ARPP19: variants seen among roughly 807,000 people sequenced by gnomAD.
ARPP19 encodes cAMP-regulated phosphoprotein 19.
ARPP19 carries 8 observed loss-of-function variants against 12.0 expected under a neutral mutation model. The observed-to-expected ratio is 0.67, with a 90% CI of 0.39 to 1.21. The LOEUF (loss-of-function observed/expected upper bound fraction) is 1.21. Ranked by LOEUF, ARPP19 falls within the 50% of genes most tolerant of loss-of-function variation. ARPP19 has a pLI of 0.01. For missense variants in ARPP19, 102 were observed against 136.3 expected (o/e 0.75, Z 1.25); for synonymous variants, 47 against 50.4 (o/e 0.93, Z 0.29).
intron 2 of ARPP19, among the ~76,000 whole-genome samples, chr15:52,554,137 T>G (rs2077960380): frequency 6.6e-6 from 1 of 152,186 alleles, no homozygotes; most frequent in Admixed American, 6.5e-5. Context: ...AAGCACATAC[T>G]GAGAAATTTA....
rs111387062 is a variant in ARPP19 at position 52,558,835 on chromosome 15, C to CGG, written c.46-1615_46-1614dup. The stretch of plus-strand genomic sequence containing the variant: ...CCTGTTTCCCTTCCCTTTGTACCCA[C>CGG]GGGGGGGAAAAAATTACAGGTCAGG... On this transcript the variant is annotated intron_variant, in intron 1 of 2. Transcript: ENST00000249822. Among the ~76,000 whole-genome samples the CGG allele has an allele frequency of 3.6e-3, 543 of 150,496 alleles. 2 individuals carry two copies. Among genetic ancestry groups the CGG allele is most frequent in the African/African-American group, 0.012 (509 of 40,790 alleles).
At chr15:52,555,631 C>G (rs1406926591) in intron 2 of ARPP19, among the ~76,000 whole-genome samples, 2 of 151,912 alleles carry the variant, frequency 1.3e-5, no homozygotes, top group African/African-American at 4.8e-5. Flanking sequence ...GAATTATACT[C>G]TTAGATTAAT....
In ARPP19 at chr15:52,549,729, A is replaced by G. The variant is rs554063688; in HGVS notation, c.*2205T>C. On this transcript the variant is annotated 3_prime_UTR_variant, in exon 3 of 3. Transcript: ENST00000249822. Reference sequence around the variant, plus strand: ...CTCTGATCTTTCAGATTAATCTTTCATGTGTGAATTTAATGGTAATTACTT... The same window carrying G: ...CTCTGATCTTTCAGATTAATCTTTCGTGTGTGAATTTAATGGTAATTACTT... 3.3e-5 allele frequency: 5 copies of G among 152,606 alleles called. No individual in the cohort carries two copies. Among genetic ancestry groups the G allele is most frequent in the Admixed American group, 6.5e-5 (1 of 15,270 alleles). 9.5% of individuals were successfully genotyped at this position (152,606 alleles called of 1,614,324 possible).
chr15:52,561,697 G>T (rs376948282), intron 1 of ARPP19, among the ~76,000 whole-genome samples: 1 of 150,060 alleles, frequency 6.7e-6, no homozygotes, highest in African/African-American at 2.4e-5. Context: ...AACATAAGGA[G>T]AAACAAATCC....
intron 1 of ARPP19, among the ~76,000 whole-genome samples, chr15:52,560,769 T>G (rs902835805): frequency 5.3e-5 from 8 of 152,242 alleles, no homozygotes; most frequent in African/African-American, 1.7e-4. Flanking sequence ...TTAAAAGGCA[T>G]GAGAGAAAGA....
At position 52,568,881 on chromosome 15, in the gene ARPP19, T is replaced by C. The variant is rs774444622; in HGVS notation, c.12A>G (p.Glu4=). The change falls in exon 1 of 3, where the codon GAA becomes GAG. Residue 4 remains glutamate, a synonymous_variant. Coordinates refer to ENST00000249822, the MANE Select transcript of ARPP19 (RefSeq NM_006628.6). ...CCTCCGCGGAGGCTGCCTCGGGGAC[T>C]TCCGCAGACATAGTGCTCCCTCTGC... The part of the protein sequence containing the change: MSA[E]VPEAASAEEQ... 1.5e-5 allele frequency: 24 copies of C among 1,573,308 alleles called. No individual in the cohort carries two copies. Among genetic ancestry groups the C allele is most frequent in the Non-Finnish European group, 1.8e-5 (21 of 1,163,474 alleles).
chr15:52,568,783 G>A, intron 1 of ARPP19, 65 bp downstream of exon 1: 3 of 1,257,344 alleles, frequency 2.4e-6, no homozygotes, highest in African/African-American at 3.2e-5. Context: ...TCCGCCTGGC[G>A]GGAGCAGGCC....
chr15:52,560,380 C>T (rs1026519206), intron 1 of ARPP19, among the ~76,000 whole-genome samples: 27 of 152,164 alleles, frequency 1.8e-4, no homozygotes, highest in Non-Finnish European at 3.4e-4. Flanking sequence ...TTGGGTAAAA[C>T]AGCATCTATG....
Position 52,568,861 on chromosome 15 carries a change from G to C in ARPP19, c.32C>G (p.Ala11Gly), listed in dbSNP as rs755346523. Residue 11 changes from alanine (A) to glycine (G), a missense_variant, in exon 1 of 3, where the codon GCG (alanine) becomes GGG (glycine). Physicochemically the swap from Ala to Gly is moderately conservative, Grantham distance 60. Coordinates refer to ENST00000249822, the MANE Select transcript of ARPP19 (RefSeq NM_006628.6). ...CCGCGCGCTCACCTTCTGCTCCTCCGCGGAGGCTGCCTCGGGGACTTCCGC... is the reference window on the plus strand; with the variant it reads ...CCGCGCGCTCACCTTCTGCTCCTCCCCGGAGGCTGCCTCGGGGACTTCCGC... Reference protein sequence around the residue: MSAEVPEAASAEEQKEMEDKV... With the variant: MSAEVPEAASGEEQKEMEDKV... The C allele has an allele frequency of 2.5e-6, 4 of 1,574,058 alleles. No individual in the cohort carries two copies. The highest frequency in any genetic ancestry group is 3.4e-6 in the Non-Finnish European group (4 of 1,164,174).
rs1436010921 is a variant in ARPP19 at position 52,568,849 on chromosome 15, T to G, written c.44A>C (p.Lys15Thr). The stretch of plus-strand genomic sequence containing the variant: ...AGGGCTCACGCCCCGCGCGCTCACC[T>G]TCTGCTCCTCCGCGGAGGCTGCCTC... ...VPEAASAEEQKEMEDKVTSPE... is the reference protein window; with the variant it reads ...VPEAASAEEQTEMEDKVTSPE... Residue 15 changes from lysine (K) to threonine (T), a missense_variant and splice_region_variant, in exon 1 of 3, where the codon AAG (lysine) becomes ACG (threonine). Lys to Thr is a moderately conservative substitution (Grantham distance 78). Coordinates refer to ENST00000249822, the MANE Select transcript of ARPP19 (RefSeq NM_006628.6). 1.3e-6 allele frequency: 2 copies of G among 1,573,358 alleles called. No homozygotes were observed. Among genetic ancestry groups the G allele is most frequent in the Non-Finnish European group, 8.6e-7 (1 of 1,163,818 alleles).
At chr15:52,552,666 C>A (rs2077946101) in intron 2 of ARPP19, among the ~76,000 whole-genome samples, 1 of 148,248 alleles carries the variant, frequency 6.7e-6, no homozygotes, top group Admixed American at 6.7e-5. Context: ...ACCATCAAGA[C>A]TAATATAATA....
At chr15:52,558,721 T>A (rs1294914286) in intron 1 of ARPP19, among the ~76,000 whole-genome samples, 1 of 147,562 alleles carries the variant, frequency 6.8e-6, no homozygotes, top group Non-Finnish European at 1.5e-5. Context: ...ATCTAAGCAC[T>A]GAAAGAAAAA....
intron 2 of ARPP19, among the ~76,000 whole-genome samples, chr15:52,554,871 TAAC>T (rs1385139569): frequency 6.6e-6 from 1 of 152,068 alleles, no homozygotes; most frequent in East Asian, 1.9e-4. Context: ...AGCCTAATAA[TAAC>T]ATTAACCTCA....
rs2141712378 is a variant in ARPP19 at position 52,547,993 on chromosome 15, G to A, written c.*3941C>T. 1 of 149,302 alleles carries A rather than the reference G, an allele frequency of 6.7e-6. No individual in the cohort carries two copies. 9.2% of individuals were successfully genotyped at this position (149,302 alleles called of 1,614,324 possible). ...TTTGAACATTGGAGAATGTGAAAAG[G>A]CCACCAAACTGCTTTAGTTATCACT... On this transcript the variant is annotated 3_prime_UTR_variant, in exon 3 of 3. Transcript: ENST00000249822.
rs539969018 is a variant in ARPP19 at position 52,551,563 on chromosome 15, T to A, written c.*371A>T. 6.2e-6 allele frequency: 1 copy of A among 161,732 alleles called. No individual in the cohort carries two copies. The highest frequency in any genetic ancestry group is 2.4e-5 in the African/African-American group (1 of 41,636). 10.0% of individuals were successfully genotyped at this position (161,732 alleles called of 1,614,324 possible). On this transcript the variant is annotated 3_prime_UTR_variant, in exon 3 of 3. Transcript: ENST00000249822. ...GTAAATACAGAAGAAATCAATACAA[T>A]AGAGATTATATTAAATAAGAGTAAC...
intron 1 of ARPP19, among the ~76,000 whole-genome samples, chr15:52,562,455 AG>A (rs1436177716): frequency 6.6e-6 from 1 of 152,162 alleles, no homozygotes; most frequent in East Asian, 1.9e-4. Context: ...TAAAAAAAAT[AG>A]GAGTTCTAGA....
In ARPP19 at chr15:52,547,231, A is replaced by G. The variant is rs566926983; in HGVS notation, c.*4703T>C. On this transcript the variant is annotated 3_prime_UTR_variant, in exon 3 of 3. Coordinates refer to ENST00000249822, the MANE Select transcript of ARPP19 (RefSeq NM_006628.6). The stretch of plus-strand genomic sequence containing the variant: ...CTTTAATAAGACAAAACTGCAAATT[A>G]AATCAATAGAAATTAGGTAGATCCA... 6.6e-6 allele frequency: 1 copy of G among 152,358 alleles called. No individual in the cohort carries two copies. Among genetic ancestry groups the G allele is most frequent in the East Asian group, 1.9e-4 (1 of 5,194 alleles). 9.4% of individuals were successfully genotyped at this position (152,358 alleles called of 1,614,324 possible). A position where few individuals can be genotyped will look rare whatever the true frequency, so the allele number is the denominator to read the frequency against.
chr15:52,553,469 A>G (rs1431945940), intron 2 of ARPP19, among the ~76,000 whole-genome samples: 6 of 152,120 alleles, frequency 3.9e-5, no homozygotes. Context: ...TCTAACTTAC[A>G]CCTATCATGC....
intron 1 of ARPP19, among the ~76,000 whole-genome samples, chr15:52,564,906 A>G (rs2078067411): frequency 6.6e-6 from 1 of 152,230 alleles, no homozygotes; most frequent in Non-Finnish European, 1.5e-5. Flanking sequence ...TTTTAACAGA[A>G]AAGTTCTGAG....
Sources: gnomAD v4.1 joint callset for allele counts (sites outside exome capture counted in the v4.1 genomes callset) on GRCh38, gnomAD v4.1.1 for gene constraint, MANE v1.5 for transcripts, NCBI Gene and HGNC (gene_info 2026-07-23, HGNC 2026-07-21) for gene names.